The following ZNF385D variants were observed in gnomAD, a reference collection of about 807,000 sequenced individuals.
ZNF385D encodes zinc finger protein 385D.
A neutral mutation model predicts 35.8 loss-of-function variants in ZNF385D; 15 were observed. That is an observed-to-expected ratio of 0.42 (90% CI 0.28 to 0.64). The LOEUF (loss-of-function observed/expected upper bound fraction) is 0.64. Ranked by LOEUF, ZNF385D falls within the 30% of genes least tolerant of loss-of-function variation. The pLI, the probability that ZNF385D is intolerant of heterozygous loss-of-function variation, is 0.23. For missense variants in ZNF385D, 474 were observed against 494.6 expected (o/e 0.96, Z 0.39); for synonymous variants, 212 against 186.8 (o/e 1.13, Z -1.10).
chr3:21,824,150 C>A (rs1451539834), intron 3 of ZNF385D, among the ~76,000 whole-genome samples: 1 of 152,110 alleles, frequency 6.6e-6, no homozygotes, highest in Non-Finnish European at 1.5e-5. Context: ...TGACTTCTTT[C>A]AAAATTCATT....
intron 3 of ZNF385D, among the ~76,000 whole-genome samples, chr3:22,089,646 G>C (rs1701221373): frequency 6.6e-6 from 1 of 152,074 alleles, no homozygotes; most frequent in Non-Finnish European, 1.5e-5. Context: ...AGTGAGGTTT[G>C]GATCTCTGCC....
chr3:21,667,393 C>T (rs2066440485), intron 1 of ZNF385D, among the ~76,000 whole-genome samples: 1 of 152,160 alleles, frequency 6.6e-6, no homozygotes, highest in Non-Finnish European at 1.5e-5. Context: ...AACTCCTGAG[C>T]TCAAGCAATC....
intron 3 of ZNF385D, among the ~76,000 whole-genome samples, chr3:22,154,251 G>A (rs1705442701): frequency 6.6e-6 from 1 of 152,124 alleles, no homozygotes; most frequent in Non-Finnish European, 1.5e-5. Flanking sequence ...AGCTCTATCA[G>A]ATAATAGGAT....
chr3:21,477,260 CAAACA>C (rs1285384496), intron 4 of ZNF385D, among the ~76,000 whole-genome samples: 2 of 151,784 alleles, frequency 1.3e-5, no homozygotes, highest in African/African-American at 4.8e-5. Flanking sequence ...CTAAACAAAA[CAAACA>C]AAACAAACAA....
chr3:21,457,127 A>G (rs556795106), intron 4 of ZNF385D, among the ~76,000 whole-genome samples: 55 of 152,306 alleles, frequency 3.6e-4, no homozygotes, highest in African/African-American at 1.3e-3. Flanking sequence ...ATTCCCAATA[A>G]ATATTTCTTG....
chr3:21,595,386 G>A (rs58466369), intron 2 of ZNF385D, among the ~76,000 whole-genome samples: 18,580 of 150,676 alleles, frequency 0.12, 1,244 homozygotes, highest in East Asian at 0.25. Context: ...CATTATATAT[G>A]TATGTTTTAT....
chr3:21,958,592 A>T (rs776318782), intron 3 of ZNF385D, among the ~76,000 whole-genome samples: 1 of 152,166 alleles, frequency 6.6e-6, no homozygotes, highest in African/African-American at 2.4e-5. Context: ...CATTGTTCCA[A>T]GTCAATGAAA....
chr3:22,025,921 T>G (rs542763055), intron 3 of ZNF385D, among the ~76,000 whole-genome samples: 1 of 152,248 alleles, frequency 6.6e-6, no homozygotes, highest in South Asian at 2.1e-4. Context: ...ATGTAAATAC[T>G]ATATGAATAA....
chr3:21,935,459 C>A (rs554886531), intron 3 of ZNF385D, among the ~76,000 whole-genome samples: 15 of 152,218 alleles, frequency 9.9e-5, no homozygotes, highest in Non-Finnish European at 1.8e-4. Context: ...ACTGAGAACA[C>A]AAACTGGCAA....
chr3:21,795,839 G>A (rs575516131), intron 3 of ZNF385D, among the ~76,000 whole-genome samples: 5 of 152,282 alleles, frequency 3.3e-5, no homozygotes, highest in East Asian at 1.9e-4. Context: ...AATGACAGGC[G>A]CTATTCTCAA....
intron 3 of ZNF385D, among the ~76,000 whole-genome samples, chr3:22,056,724 A>T (rs748128788): frequency 6.6e-6 from 1 of 152,218 alleles, no homozygotes; most frequent in African/African-American, 2.4e-5. Flanking sequence ...AACTCAGTGG[A>T]TTAAAACAAT....
intron 3 of ZNF385D, among the ~76,000 whole-genome samples, chr3:22,043,119 G>C (rs942266941): frequency 6.6e-6 from 1 of 152,018 alleles, no homozygotes; most frequent in Non-Finnish European, 1.5e-5. Flanking sequence ...GCAGTCATTT[G>C]GTTTACAAAC....
intron 3 of ZNF385D, among the ~76,000 whole-genome samples, chr3:21,977,899 C>T (rs1032244294): frequency 3.1e-4 from 47 of 151,988 alleles, no homozygotes; most frequent in Admixed American, 1.7e-3. Context: ...TTTGGAGAAA[C>T]GAGTAGAATG....
chr3:21,948,247 ATTAAT>A (rs141650335), intron 3 of ZNF385D, among the ~76,000 whole-genome samples: 13,820 of 152,018 alleles, frequency 0.091, 1,185 homozygotes, highest in African/African-American at 0.23. Context: ...ACTGAAATAG[ATTAAT>A]TTAAGAGAAA....
At chr3:22,137,012 A>G (rs1016002766) in intron 3 of ZNF385D, among the ~76,000 whole-genome samples, 2 of 152,170 alleles carry the variant, frequency 1.3e-5, no homozygotes, top group African/African-American at 4.8e-5. Context: ...GATATATATC[A>G]TTTAGCATTT....
chr3:22,236,025 G>T (rs567586104), intron 2 of ZNF385D, among the ~76,000 whole-genome samples: 14 of 152,186 alleles, frequency 9.2e-5, no homozygotes, highest in Non-Finnish European at 1.8e-4. Context: ...AAGAATCATT[G>T]CAACATTGAT....
chr3:22,041,820 T>G (rs915759054), intron 3 of ZNF385D, among the ~76,000 whole-genome samples: 1 of 152,068 alleles, frequency 6.6e-6, no homozygotes, highest in African/African-American at 2.4e-5. Flanking sequence ...TAAGGAATGG[T>G]TGAAAAAAAC....
chr3:21,979,945 T>C (rs115545661), intron 3 of ZNF385D: 1 of 152,176 alleles, frequency 6.6e-6, no homozygotes, highest in Non-Finnish European at 1.5e-5. Flanking sequence ...TGCCTCTTCT[T>C]ACTTATGGGC....
intron 3 of ZNF385D, among the ~76,000 whole-genome samples, chr3:21,799,752 G>C (rs1228946116): frequency 2.6e-5 from 4 of 151,908 alleles, no homozygotes; most frequent in Non-Finnish European, 4.4e-5. Flanking sequence ...ATGCAAATTT[G>C]AATTTTGAAG....
Sources: gnomAD v4.1 joint callset for allele counts (sites outside exome capture counted in the v4.1 genomes callset) on GRCh38, gnomAD v4.1.1 for gene constraint, MANE v1.5 for transcripts, NCBI Gene and HGNC (gene_info 2026-07-23, HGNC 2026-07-21) for gene names.